UBE3C: variants seen among roughly 807,000 people sequenced by gnomAD.
UBE3C encodes the protein ubiquitin-protein ligase E3C.
UBE3C carries 42 observed loss-of-function variants against 129.4 expected under a neutral mutation model. The ratio of observed to expected loss-of-function variants is 0.32; its 90% confidence interval spans 0.25 to 0.42. The LOEUF is 0.42. Among genes scored for constraint, UBE3C ranks in the 10% least tolerant of loss-of-function variants. The pLI, the probability that UBE3C is intolerant of heterozygous loss-of-function variation, is 1.00. For synonymous variants in UBE3C, 510 were observed against 492.4 expected (o/e 1.04, Z -0.47); for missense variants, 1,049 against 1,319.1 (o/e 0.80, Z 3.17).
At chr7:157,227,695 T>A (rs558689087) in intron 17 of UBE3C, among the ~76,000 whole-genome samples, 1 of 151,644 alleles carries the variant, frequency 6.6e-6, no homozygotes, top group East Asian at 1.9e-4. Context: ...TGAGACTTCA[T>A]CTCAGAAAAA....
At chr7:157,210,102 G>A (rs767657197) in intron 13 of UBE3C, among the ~76,000 whole-genome samples, 9 of 152,106 alleles carry the variant, frequency 5.9e-5, no homozygotes, top group Non-Finnish European at 1.3e-4. Context: ...GCTAGAACCC[G>A]GGAGGCAGAG....
chr7:157,175,803 T>C (rs1402108219), intron 5 of UBE3C, among the ~76,000 whole-genome samples: 1 of 152,222 alleles, frequency 6.6e-6, no homozygotes, highest in East Asian at 1.9e-4. Context: ...TTCTAACTTA[T>C]TTCTTTAATA....
intron 1 of UBE3C, among the ~76,000 whole-genome samples, chr7:157,143,887 A>T (rs1005257126): frequency 1.3e-5 from 2 of 152,166 alleles, no homozygotes; most frequent in African/African-American, 4.8e-5. Flanking sequence ...AGGTACTGCA[A>T]CATTTAATAT....
At chr7:157,211,000 A>G (rs1489415588) in intron 13 of UBE3C, among the ~76,000 whole-genome samples, 5 of 152,194 alleles carry the variant, frequency 3.3e-5, no homozygotes. Context: ...CTTGAAGTGT[A>G]ATTTAGAGCT....
At position 157,186,907 on chromosome 7, in the gene UBE3C, A is replaced by C; in HGVS notation, c.1217A>C (p.Asn406Thr). 1.2e-6 allele frequency: 2 copies of C among 1,614,188 alleles called. No individual in the cohort carries two copies. The highest frequency in any genetic ancestry group is 1.7e-6 in the Non-Finnish European group (2 of 1,180,026). The change falls in exon 10 of 23, where the codon AAC becomes ACC. Residue 406 changes from asparagine to threonine, a missense_variant. This residue lies in a region of UBE3C where 489 missense variants were observed against 513.8 expected (regional missense o/e 0.95). Coordinates refer to ENST00000348165, the MANE Select transcript of UBE3C (RefSeq NM_014671.3). ...LKKLDTKQQT[N>T]TLLNLVWRDS... Reference sequence around the variant, plus strand: ...AAGCTGGACACAAAGCAGCAGACCAACACCCTGCTCAACCTGGTGTGGAGG... The same window carrying C: ...AAGCTGGACACAAAGCAGCAGACCACCACCCTGCTCAACCTGGTGTGGAGG...
chr7:157,187,032 G>C lies in UBE3C; in HGVS notation c.1331+11G>C, dbSNP rs376039374. ...GGTACCCAAAGTCAGGCAAGTGTCC[G>C]TGGGCGTCTGTGCCAGGGGGTGCCA... On this transcript the variant is annotated intron_variant, in intron 10 of 22. Transcript: ENST00000348165. 10 of 1,582,472 alleles carry C rather than the reference G, an allele frequency of 6.3e-6. No individual in the cohort carries two copies. In the South Asian group the frequency reaches 1.1e-4, roughly 18 times the overall value.
At chr7:157,228,120 G>GT (rs1435479331) in intron 17 of UBE3C, among the ~76,000 whole-genome samples, 2 of 152,198 alleles carry the variant, frequency 1.3e-5, no homozygotes, top group Admixed American at 6.5e-5. Context: ...AGTCATTGAA[G>GT]TGAATCCATG....
rs546434697 is a variant in UBE3C at position 157,198,274 on chromosome 7, T to G, written c.1332-3447T>G. 1.4e-4 allele frequency: 145 copies of G among 1,053,224 alleles called. No homozygotes were observed. In the African/African-American group the frequency reaches 1.8e-3, roughly 13 times the overall value. 65.2% of individuals were successfully genotyped at this position (1,053,224 alleles called of 1,614,324 possible). A position where few individuals can be genotyped will look rare whatever the true frequency, so the allele number is the denominator to read the frequency against. On this transcript the variant is annotated intron_variant, in intron 10 of 22. Transcript: ENST00000348165. ...GTAAATGACATTGAGGTGGTGTCCGTGGGCTCTTGAAGACTGCAGCTTTAG... is the reference window on the plus strand; with the variant it reads ...GTAAATGACATTGAGGTGGTGTCCGGGGGCTCTTGAAGACTGCAGCTTTAG...
chr7:157,166,539 G>A (rs535063063), intron 2 of UBE3C, among the ~76,000 whole-genome samples: 10 of 152,054 alleles, frequency 6.6e-5, no homozygotes, highest in East Asian at 1.9e-4. Flanking sequence ...TTGGGAGTTC[G>A]AGACCAGCCT....
rs1462901961 is a variant in UBE3C at position 157,269,003 on chromosome 7, T to C, written c.*1248T>C. 6.6e-6 allele frequency: 1 copy of C among 152,632 alleles called. No individual in the cohort carries two copies. The highest frequency in any genetic ancestry group is 1.9e-4 in the East Asian group (1 of 5,204). 9.5% of individuals were successfully genotyped at this position (152,632 alleles called of 1,614,324 possible). ...GCTGTCATAGTTAATTGACCATAATTAGCAATATACTTTTAAAGTGGGAAA... is the reference window on the plus strand; with the variant it reads ...GCTGTCATAGTTAATTGACCATAATCAGCAATATACTTTTAAAGTGGGAAA... On this transcript the variant is annotated 3_prime_UTR_variant, in exon 23 of 23. Coordinates refer to ENST00000348165, the MANE Select transcript of UBE3C (RefSeq NM_014671.3).
chr7:157,173,297 G>A (rs1214651982), intron 4 of UBE3C, among the ~76,000 whole-genome samples: 1 of 152,180 alleles, frequency 6.6e-6, no homozygotes, highest in Admixed American at 6.5e-5. Context: ...GATCGTTTGA[G>A]CCCAGGTATT....
intron 11 of UBE3C, among the ~76,000 whole-genome samples, chr7:157,203,037 T>C (rs1385622551): frequency 1.3e-5 from 2 of 152,234 alleles, no homozygotes; most frequent in Admixed American, 6.5e-5. Context: ...TTTGAGCTTT[T>C]TCATGCAATA....
chr7:157,174,769 A>C (rs1336520401), intron 4 of UBE3C, 150 bp from the exon 5 acceptor site: 2 of 584,984 alleles, frequency 3.4e-6, no homozygotes, highest in African/African-American at 3.8e-5. Flanking sequence ...CTCTAAATAA[A>C]ACCGACTTAG....
At chr7:157,257,390 A>G (rs1796779299) in intron 22 of UBE3C, among the ~76,000 whole-genome samples, 2 of 152,200 alleles carry the variant, frequency 1.3e-5, no homozygotes, top group African/African-American at 4.8e-5. Flanking sequence ...AAGCAGGTAC[A>G]ACGTAGAGAT....
intron 10 of UBE3C, among the ~76,000 whole-genome samples, chr7:157,191,578 G>A (rs1028927094): frequency 6.6e-6 from 1 of 152,198 alleles, no homozygotes; most frequent in African/African-American, 2.4e-5. Flanking sequence ...GATTGCAGGT[G>A]CAAGTCACTG....
chr7:157,258,523 GAT>G (rs1199127249), intron 22 of UBE3C, among the ~76,000 whole-genome samples: 1 of 152,220 alleles, frequency 6.6e-6, no homozygotes, highest in Non-Finnish European at 1.5e-5. Context: ...GCAATGGCGT[GAT>G]TTCCGCTCAC....
intron 11 of UBE3C, among the ~76,000 whole-genome samples, chr7:157,203,812 T>C (rs1022332294): frequency 6.6e-6 from 1 of 152,182 alleles, no homozygotes; most frequent in Non-Finnish European, 1.5e-5. Flanking sequence ...CAGATACTCC[T>C]TGAGGTACAA....
chr7:157,206,514 G>A (rs376542929), intron 11 of UBE3C, among the ~76,000 whole-genome samples: 11 of 151,340 alleles, frequency 7.3e-5, no homozygotes, highest in East Asian at 1.9e-4. Flanking sequence ...CACCCACCTC[G>A]GCCTCCCAGA....
At chr7:157,166,625 A>T (rs1048036261) in intron 2 of UBE3C, among the ~76,000 whole-genome samples, 1 of 151,602 alleles carries the variant, frequency 6.6e-6, no homozygotes, top group Non-Finnish European at 1.5e-5. Context: ...CTGTAATCCC[A>T]GCTCCTCGGG....
Sources: gnomAD v4.1 joint callset for allele counts (sites outside exome capture counted in the v4.1 genomes callset) on GRCh38, gnomAD v4.1.1 for gene constraint, gnomAD v4.1.1 regional missense constraint, MANE v1.5 for transcripts, NCBI Gene and HGNC (gene_info 2026-07-23, HGNC 2026-07-21) for gene names.